Variants in JHY observed in about 807,000 individuals in gnomAD.
JHY encodes the protein jhy protein homolog.
JHY carries 69 observed loss-of-function variants against 78.0 expected under a neutral mutation model. The ratio of observed to expected loss-of-function variants is 0.88; its 90% CI spans 0.73 to 1.08. The LOEUF is 1.08. JHY is among the 50% of genes least tolerant of loss of function. The probability of loss-of-function intolerance (pLI) is 0.00; values close to 1 mark genes in which losing one functional copy is unlikely to be tolerated. For synonymous variants in JHY, 368 were observed against 342.6 expected, an observed-to-expected ratio of 1.07 and a Z score of -0.82; for missense variants, 944 against 927.8, an observed-to-expected ratio of 1.02 and a Z score of -0.23.
chr11:122,907,304 G>A lies in JHY; in HGVS notation c.864+2860G>A, dbSNP rs139783286. On this transcript the variant is annotated intron_variant, in intron 3 of 8. Transcript: ENST00000227349. ...TAGACGTGTGTGTGTCTCTCCTCCC[G>A]ATACAGATTATATGTTCCCTATGGG... 1.8e-4 allele frequency among the ~76,000 whole-genome samples: 28 copies of A among 151,540 alleles called. No individual in the cohort carries two copies. In the Middle Eastern group the frequency reaches 0.01, roughly 55 times the overall value.
intron 5 of JHY, among the ~76,000 whole-genome samples, chr11:122,943,918 A>G (rs1863918574): frequency 6.6e-6 from 1 of 152,186 alleles, no homozygotes; most frequent in Non-Finnish European, 1.5e-5. Flanking sequence ...GTGACTTAAA[A>G]CTATAGGCCA....
chr11:122,952,219 G>A (rs193169995), intron 6 of JHY, among the ~76,000 whole-genome samples: 5 of 152,048 alleles, frequency 3.3e-5, no homozygotes, highest in Non-Finnish European at 7.4e-5. Context: ...TCTAAAATTG[G>A]AATGTGGTGA....
At chr11:122,949,885 G>T (rs1864049741) in intron 6 of JHY, among the ~76,000 whole-genome samples, 1 of 146,024 alleles carries the variant, frequency 6.8e-6, no homozygotes, top group Non-Finnish European at 1.5e-5. Context: ...CGCCCAGGCT[G>T]GTGTGCAGTG....
intron 3 of JHY, among the ~76,000 whole-genome samples, chr11:122,921,397 T>G (rs2135335415): frequency 6.6e-6 from 1 of 152,316 alleles, no homozygotes; most frequent in South Asian, 2.1e-4. Flanking sequence ...GAGTTCAACT[T>G]CCTTTTTTCC....
intron 6 of JHY, among the ~76,000 whole-genome samples, chr11:122,951,765 A>G (rs1368972185): frequency 1.3e-5 from 2 of 152,186 alleles, no homozygotes; most frequent in African/African-American, 2.4e-5. Context: ...GGAGAGTCCT[A>G]TGCCATCTTC....
chr11:122,911,862 G>A lies in JHY; in HGVS notation c.864+7418G>A, dbSNP rs528270408. On this transcript the variant is annotated intron_variant, in intron 3 of 8. Transcript: ENST00000227349. ...GGAGGTTATGGTGAACTGAGATTGC[G>A]CCATTACACTCCAGCCAGGGCAAGA... Among the ~76,000 whole-genome samples, 15 of 128,386 alleles carry A rather than the reference G, an allele frequency of 1.2e-4. No homozygotes were observed. In the East Asian group the frequency reaches 1.4e-3, roughly 12 times the overall value. The allele number at this position is 128,386 out of a possible 152,430, so 84.2% of individuals were successfully genotyped here.
intron 5 of JHY, 72 bp from the exon 6 acceptor site, chr11:122,946,426 A>G: frequency 6.9e-7 from 1 of 1,457,496 alleles, no homozygotes; most frequent in Non-Finnish European, 9.2e-7. Context: ...TGGTTCATAA[A>G]GACTTTTATG....
chr11:122,948,686 C>G (rs1262462214), intron 6 of JHY, among the ~76,000 whole-genome samples: 1 of 151,926 alleles, frequency 6.6e-6, no homozygotes, highest in East Asian at 1.9e-4. Flanking sequence ...ATGGGGAGCA[C>G]AGAGGAACGT....
Position 122,904,033 on chromosome 11 carries a change from G to A in JHY, c.453G>A (p.Thr151=), listed in dbSNP as rs1862921707. The A allele has an allele frequency of 1.2e-6, 2 of 1,614,102 alleles. No individual in the cohort carries two copies. The highest frequency in any genetic ancestry group is 1.7e-6 in the Non-Finnish European group (2 of 1,180,016). ...CTGTGGAAGCGTTGCCGGAGTCCAC[G>A]GACAGCTCTTTAGAAAATCTGCCTT... is the stretch of plus-strand genomic sequence containing the variant. ...LLSVEALPES[T]DSSLENLPLA... Residue 151 remains threonine (T), a synonymous_variant, in exon 3 of 9, where the codon ACG becomes ACA. Transcript: ENST00000227349.
intron 6 of JHY, among the ~76,000 whole-genome samples, chr11:122,950,602 A>T (rs1864066738): frequency 6.6e-6 from 1 of 152,172 alleles, no homozygotes; most frequent in Non-Finnish European, 1.5e-5. Context: ...TCATCTACAC[A>T]ATCAGAATTA....
chr11:122,929,320 G>A (rs1374237424), intron 4 of JHY, among the ~76,000 whole-genome samples: 1 of 151,280 alleles, frequency 6.6e-6, no homozygotes, highest in Non-Finnish European at 1.5e-5. Context: ...TCATTATAAT[G>A]CAGTAATATG....
In JHY at chr11:122,935,205, C is replaced by T; in HGVS notation, c.1634+130C>T. ...GTGAGAAGAAGAGTTCACCTAACAA[C>T]TTCCTTAGCTCTGATTCCTGCCTCA... is the stretch of plus-strand genomic sequence containing the variant. On this transcript the variant is annotated intron_variant, in intron 5 of 8. Transcript: ENST00000227349. This position sits in a 1 kb window ranked among gnomAD's most constrained non-coding sequence, Gnocchi z 4.5. 1.4e-6 allele frequency: 1 copy of T among 740,350 alleles called. No individual in the cohort carries two copies. Among genetic ancestry groups the T allele is most frequent in the Non-Finnish European group, 2.1e-6 (1 of 479,934 alleles). The allele number at this position is 740,350 out of a possible 1,614,324, so 45.9% of individuals were successfully genotyped here. A position where few individuals can be genotyped will look rare whatever the true frequency, so the allele number is the denominator to read the frequency against.
chr11:122,914,174 A>C (rs894843454), intron 3 of JHY, among the ~76,000 whole-genome samples: 1 of 152,192 alleles, frequency 6.6e-6, no homozygotes, highest in Non-Finnish European at 1.5e-5. Flanking sequence ...TTATAATCTT[A>C]CAGCCTTATA....
intron 2 of JHY, among the ~76,000 whole-genome samples, chr11:122,895,385 C>T (rs1862717273): frequency 6.6e-6 from 1 of 152,080 alleles, no homozygotes; most frequent in Admixed American, 6.5e-5. Flanking sequence ...GCAAAATGGC[C>T]AGTTATTGAA....
At chr11:122,923,945 G>T (rs1028908755) in intron 3 of JHY, among the ~76,000 whole-genome samples, 1 of 141,542 alleles carries the variant, frequency 7.1e-6, no homozygotes, top group Admixed American at 7.4e-5. Flanking sequence ...CGCCATCTTG[G>T]CCAGGCTAGT....
intron 2 of JHY, among the ~76,000 whole-genome samples, chr11:122,890,163 G>C (rs1205202968): frequency 2.6e-5 from 4 of 151,998 alleles, no homozygotes; most frequent in Non-Finnish European, 5.9e-5. Flanking sequence ...AGGAACAAGA[G>C]AAGCCAAAGA....
chr11:122,956,494 A>G lies in JHY; in HGVS notation c.1930-2A>G. On this transcript the variant is annotated splice_acceptor_variant, in intron 6 of 8. Transcript: ENST00000227349. LOFTEE classifies it high-confidence loss of function. ...AAACTGTTTCTGTGGTTGTATTTTT[A>G]GAACACCAAGCTGAAAGGTTATCAG... 2 of 1,613,046 alleles carry G rather than the reference A, an allele frequency of 1.2e-6. No individual in the cohort carries two copies. Among genetic ancestry groups the G allele is most frequent in the South Asian group, 1.1e-5 (1 of 90,984 alleles).
At chr11:122,920,538 C>T (rs1179091786) in intron 3 of JHY, among the ~76,000 whole-genome samples, 2 of 152,194 alleles carry the variant, frequency 1.3e-5, no homozygotes, top group Non-Finnish European at 2.9e-5. Context: ...GACTCACATA[C>T]AGCTCTTGGT....
intron 3 of JHY, among the ~76,000 whole-genome samples, chr11:122,913,938 A>T (rs1416821337): frequency 6.6e-6 from 1 of 152,226 alleles, no homozygotes; most frequent in Non-Finnish European, 1.5e-5. Context: ...ATGAAAAAAT[A>T]AAAAAGCGGA....
Sources: allele counts gnomAD v4.1 joint callset (sites outside exome capture counted in the v4.1 genomes callset), GRCh38; gene constraint gnomAD v4.1.1; non-coding constraint Gnocchi (gnomAD v3.1); transcripts MANE v1.5; gene names NCBI Gene and HGNC (gene_info 2026-07-23, HGNC 2026-07-21).